Variants in SH3GLB1 observed in about 807,000 individuals in gnomAD.
SH3GLB1 encodes endophilin-B1.
In SH3GLB1, 17 loss-of-function variants were observed where a neutral mutation model predicts 42.0. That is an observed-to-expected ratio of 0.40 (90% CI 0.28 to 0.61). The LOEUF is 0.61. Ranked by LOEUF, SH3GLB1 falls within the 20% of genes least tolerant of loss-of-function variation. The probability of loss-of-function intolerance (pLI) is 0.36; values close to 1 mark genes in which losing one functional copy is unlikely to be tolerated. For synonymous variants in SH3GLB1, 132 were observed against 146.6 expected (o/e 0.90, Z 0.72); for missense variants, 355 against 426.3 (o/e 0.83, Z 1.47).
chr1:86,720,265 C>T (rs1404841841), intron 3 of SH3GLB1, among the ~76,000 whole-genome samples: 6 of 151,976 alleles, frequency 3.9e-5, no homozygotes, highest in Non-Finnish European at 8.8e-5. Flanking sequence ...GCATATGTCT[C>T]TTCATTTTTA....
chr1:86,719,955 C>T (rs1409233015), intron 3 of SH3GLB1, among the ~76,000 whole-genome samples: 1 of 138,924 alleles, frequency 7.2e-6, no homozygotes. Flanking sequence ...AAGATCACAC[C>T]ACTGCACTCC....
intron 5 of SH3GLB1, among the ~76,000 whole-genome samples, chr1:86,726,589 C>T (rs1250719804): frequency 6.6e-6 from 1 of 151,952 alleles, no homozygotes. Flanking sequence ...CTAGAACTTA[C>T]GTATTACATA....
At chr1:86,724,908 TATATAA>T (rs1655100611) in intron 5 of SH3GLB1, among the ~76,000 whole-genome samples, 4 of 134,878 alleles carry the variant, frequency 3.0e-5, no homozygotes, top group African/African-American at 1.2e-4. Context: ...TATATATATA[TATATAA>T]AATATATAAT....
intron 6 of SH3GLB1, 50 bp from the exon 7 acceptor site, chr1:86,735,029 C>G: frequency 7.2e-7 from 1 of 1,385,754 alleles, no homozygotes. Flanking sequence ...TTGCATTTGC[C>G]ATTTAAGTTG....
chr1:86,705,638 T>C (rs1238175403), intron 1 of SH3GLB1, among the ~76,000 whole-genome samples: 1 of 152,158 alleles, frequency 6.6e-6, no homozygotes, highest in African/African-American at 2.4e-5. Context: ...GGGGATATTG[T>C]TATGGCTGTA....
intron 2 of SH3GLB1, among the ~76,000 whole-genome samples, chr1:86,716,379 ATTC>A (rs1553206665): frequency 6.6e-6 from 1 of 152,020 alleles, no homozygotes; most frequent in Non-Finnish European, 1.5e-5. Flanking sequence ...GGTTGAAGCA[ATTC>A]TTCTGCCTCA....
Position 86,742,261 on chromosome 1 carries a change from C to T in SH3GLB1, c.815C>T (p.Pro272Leu), listed in dbSNP as rs1656095720. The part of the protein sequence containing the change: ...NNNQTSVTPV[P>L]SVLPNAIGSS... ...AATCAGACTTCTGTGACACCTGTAC[C>T]ATCAGTTTTACCAAATGCGATTGGT... Residue 272 changes from proline (P) to leucine (L), a missense_variant, in exon 8 of 9, where the codon CCA becomes CTA. Physicochemically the swap from Pro to Leu is moderately conservative, Grantham distance 98. Coordinates refer to ENST00000370558, the MANE Select transcript of SH3GLB1 (RefSeq NM_016009.5). 1 of 1,614,084 alleles carries T rather than the reference C, an allele frequency of 6.2e-7. No homozygotes were observed. Among genetic ancestry groups the T allele is most frequent in the Non-Finnish European group, 8.5e-7 (1 of 1,179,990 alleles).
chr1:86,738,872 GGCCTCAGGCTATCTGCCC>G (rs1395269388), intron 7 of SH3GLB1, among the ~76,000 whole-genome samples: 1 of 151,442 alleles, frequency 6.6e-6, no homozygotes, highest in East Asian at 2.0e-4. Flanking sequence ...TTGAACTCCT[GGCCTCAGGCTATCTGCCC>G]GCCTCAGCCT....
At chr1:86,735,590 A>T (rs1036038092) in intron 7 of SH3GLB1, among the ~76,000 whole-genome samples, 1 of 152,232 alleles carries the variant, frequency 6.6e-6, no homozygotes, top group Non-Finnish European at 1.5e-5. Context: ...GTAAGACCTC[A>T]TATCTACCGA....
At chr1:86,705,063 G>GAC in intron 1 of SH3GLB1, 92 bp downstream of exon 1, 1 of 840,836 alleles carries the variant, frequency 1.2e-6, no homozygotes, top group Non-Finnish European at 1.8e-6. Flanking sequence ...GGGCCTCGCC[G>GAC]ACCACCCAGC....
intron 3 of SH3GLB1, among the ~76,000 whole-genome samples, chr1:86,720,564 T>A (rs1475315586): frequency 6.6e-6 from 1 of 152,244 alleles, no homozygotes; most frequent in East Asian, 1.9e-4. Flanking sequence ...ACTCTAATTT[T>A]CTCATAACAT....
rs777506663 is a variant in SH3GLB1, at chr1:86,724,445, G to T, written c.570+40G>T. ...AAATATTTTTGATTAATAACTTTAAGATTTGTAAAATATTTTGCTAATAAA... is the reference window on the plus strand; with the variant it reads ...AAATATTTTTGATTAATAACTTTAATATTTGTAAAATATTTTGCTAATAAA... On this transcript the variant is annotated intron_variant, in intron 5 of 8. Coordinates refer to ENST00000370558, the MANE Select transcript of SH3GLB1 (RefSeq NM_016009.5). The T allele has an allele frequency of 5.7e-6, 8 of 1,414,026 alleles. No homozygotes were observed. In the African/African-American group the frequency reaches 1.2e-4, roughly 21 times the overall value. 87.6% of individuals were successfully genotyped at this position (1,414,026 alleles called of 1,614,324 possible).
At chr1:86,707,898 G>A (rs901362115) in intron 1 of SH3GLB1, among the ~76,000 whole-genome samples, 2 of 151,830 alleles carry the variant, frequency 1.3e-5, no homozygotes, top group African/African-American at 2.4e-5. Context: ...CACCTGCTTC[G>A]GCCTCCCAAA....
chr1:86,738,071 T>C (rs974388449), intron 7 of SH3GLB1, among the ~76,000 whole-genome samples: 2 of 152,188 alleles, frequency 1.3e-5, no homozygotes, highest in Non-Finnish European at 2.9e-5. Context: ...AGAATCATTC[T>C]GGCTGCCACG....
chr1:86,708,031 T>G (rs1392377022), intron 1 of SH3GLB1, among the ~76,000 whole-genome samples: 2 of 152,212 alleles, frequency 1.3e-5, no homozygotes, highest in Non-Finnish European at 2.9e-5. Flanking sequence ...GGAAGGTTGG[T>G]TATGGGTTCA....
intron 4 of SH3GLB1, among the ~76,000 whole-genome samples, 190 bp downstream of exon 4, chr1:86,722,863 G>T (rs1051295066): frequency 3.9e-5 from 6 of 152,148 alleles, no homozygotes; most frequent in Admixed American, 3.9e-4. Flanking sequence ...TACTCCATTT[G>T]TGTGTCCTAC....
At chr1:86,725,351 T>C (rs1483546178) in intron 5 of SH3GLB1, among the ~76,000 whole-genome samples, 6 of 152,098 alleles carry the variant, frequency 3.9e-5, no homozygotes, top group Non-Finnish European at 7.4e-5. Context: ...AAATAAATTC[T>C]AGTATATATT....
chr1:86,705,052 C>T (rs1459788107), intron 1 of SH3GLB1, 81 bp downstream of exon 1: 2 of 928,110 alleles, frequency 2.2e-6, no homozygotes, highest in South Asian at 1.7e-5. Context: ...GCGGCGCCCC[C>T]GGGCCTCGCC....
In SH3GLB1 at chr1:86,724,326, T is replaced by A. The variant is rs371893206; in HGVS notation, c.491T>A (p.Leu164Gln). 3.2e-6 allele frequency: 5 copies of A among 1,586,038 alleles called. No individual in the cohort carries two copies. The African/African-American group carries it at 6.8e-5, about 22-fold the overall frequency. Residue 164 changes from leucine to glutamine, a missense_variant, in exon 5 of 9, where the codon CTA becomes CAA. Transcript: ENST00000370558. ...CTATATTTATAGAAAGAAAGGAAACTATTGCAAAATAAGAGACTGGATTTG... is the reference window on the plus strand; with the variant it reads ...CTATATTTATAGAAAGAAAGGAAACAATTGCAAAATAAGAGACTGGATTTG... ...DYKTIAKERKLLQNKRLDLDA... is the reference protein window; with the variant it reads ...DYKTIAKERKQLQNKRLDLDA...
Sources: allele counts gnomAD v4.1 joint callset (sites outside exome capture counted in the v4.1 genomes callset), GRCh38; gene constraint gnomAD v4.1.1; transcripts MANE v1.5; gene names NCBI Gene and HGNC (gene_info 2026-07-23, HGNC 2026-07-21).